MTUS2: variants seen among roughly 807,000 people sequenced by gnomAD.
The protein encoded by MTUS2 is microtubule associated scaffold protein 2.
MTUS2 carries 40 observed loss-of-function variants against 114.1 expected under a neutral mutation model. That is an observed-to-expected ratio of 0.35 (90% CI 0.27 to 0.46). MTUS2 has a LOEUF of 0.46. Ranked by LOEUF, MTUS2 falls within the 20% of genes least tolerant of loss-of-function variation. MTUS2 has a pLI of 1.00. For synonymous variants in MTUS2, 688 were observed against 672.0 expected (o/e 1.02, Z -0.37); for missense variants, 1,679 against 1,705.4 (o/e 0.98, Z 0.27).
At chr13:29,226,229 A>G (rs1896103304) in intron 5 of MTUS2, among the ~76,000 whole-genome samples, 1 of 152,250 alleles carries the variant, frequency 6.6e-6, no homozygotes, top group South Asian at 2.1e-4. Context: ...ACATGTTTAA[A>G]AGATGAAAAT....
At chr13:29,408,061 C>T (rs1874924163) in intron 8 of MTUS2, among the ~76,000 whole-genome samples, 1 of 152,060 alleles carries the variant, frequency 6.6e-6, no homozygotes, top group African/African-American at 2.4e-5. Flanking sequence ...ATAGTTTCTA[C>T]ATATTCTGGA....
At chr13:28,893,818 A>G (rs1433154004) in intron 2 of MTUS2, among the ~76,000 whole-genome samples, 2 of 152,164 alleles carry the variant, frequency 1.3e-5, no homozygotes, top group Admixed American at 1.3e-4. Flanking sequence ...CTTATCCTTG[A>G]GTTGTGAGTC....
At chr13:28,834,303 A>G (rs1393061203) in intron 1 of MTUS2, among the ~76,000 whole-genome samples, 2 of 152,182 alleles carry the variant, frequency 1.3e-5, no homozygotes, top group Non-Finnish European at 2.9e-5. Flanking sequence ...TAATAAAGAC[A>G]GCATGGTGCA....
intron 4 of MTUS2, among the ~76,000 whole-genome samples, chr13:29,057,160 G>C (rs1396977748): frequency 6.6e-6 from 1 of 152,038 alleles, no homozygotes; most frequent in East Asian, 1.9e-4. Flanking sequence ...CGGCCTAAGA[G>C]TGTGTTTGTT....
At chr13:29,225,204 G>T (rs1760773013) in intron 5 of MTUS2, among the ~76,000 whole-genome samples, 1 of 152,236 alleles carries the variant, frequency 6.6e-6, no homozygotes, top group Admixed American at 6.5e-5. Context: ...GCCCTTCCCT[G>T]TCTTTGTGTT....
At chr13:29,465,636 T>G (rs1292797045) in intron 9 of MTUS2, among the ~76,000 whole-genome samples, 1 of 152,128 alleles carries the variant, frequency 6.6e-6, no homozygotes, top group African/African-American at 2.4e-5. Context: ...TTGTTGCTGT[T>G]TTTCCTCCAA....
chr13:28,998,643 A>G (rs1462585288), intron 2 of MTUS2, among the ~76,000 whole-genome samples: 1 of 151,868 alleles, frequency 6.6e-6, no homozygotes, highest in Non-Finnish European at 1.5e-5. Context: ...CATTCATTTG[A>G]CCTTCCATTG....
At chr13:28,969,497 ATTTT>A (rs1403102815) in intron 2 of MTUS2, among the ~76,000 whole-genome samples, 1 of 151,770 alleles carries the variant, frequency 6.6e-6, no homozygotes, top group Non-Finnish European at 1.5e-5. Flanking sequence ...TGCACTATTT[ATTTT>A]ATTTATTTAT....
At chr13:28,958,530 T>C (rs1883176884) in intron 2 of MTUS2, among the ~76,000 whole-genome samples, 2 of 152,356 alleles carry the variant, frequency 1.3e-5, no homozygotes, top group Non-Finnish European at 2.9e-5. Flanking sequence ...TTTACTATTG[T>C]TTAAAAATAT....
At chr13:29,061,789 A>G (rs1215111563) in intron 4 of MTUS2, among the ~76,000 whole-genome samples, 1 of 152,134 alleles carries the variant, frequency 6.6e-6, no homozygotes, top group Non-Finnish European at 1.5e-5. Flanking sequence ...TTAGCTTCAT[A>G]TATTTTGTTT....
intron 8 of MTUS2, among the ~76,000 whole-genome samples, chr13:29,395,787 A>G (rs1012826954): frequency 4.6e-5 from 7 of 152,314 alleles, no homozygotes; most frequent in African/African-American, 1.7e-4. Flanking sequence ...GAATTCATCA[A>G]TATATTCATT....
At chr13:29,094,642 A>G (rs953091725) in intron 4 of MTUS2, among the ~76,000 whole-genome samples, 5 of 151,704 alleles carry the variant, frequency 3.3e-5, no homozygotes, top group African/African-American at 1.2e-4. Flanking sequence ...TTTTGTTTTC[A>G]TTGGCTTTCT....
intron 6 of MTUS2, among the ~76,000 whole-genome samples, chr13:29,289,380 ATG>A (rs966747348): frequency 6.6e-6 from 1 of 152,162 alleles, no homozygotes; most frequent in African/African-American, 2.4e-5. Context: ...CAGTTAAAAA[ATG>A]TGTGGGGATA....
At chr13:29,136,697 C>G (rs571358660) in intron 5 of MTUS2, among the ~76,000 whole-genome samples, 4 of 152,326 alleles carry the variant, frequency 2.6e-5, no homozygotes, top group South Asian at 2.1e-4. Context: ...TACCCCTTCT[C>G]CCTTACCTCA....
chr13:29,348,523 G>A (rs1213088609), intron 7 of MTUS2, among the ~76,000 whole-genome samples: 1 of 152,142 alleles, frequency 6.6e-6, no homozygotes, highest in Admixed American at 6.6e-5. Flanking sequence ...CTTAAAAACA[G>A]TGTCTACTCT....
At chr13:29,491,752 T>C (rs1029652898) in intron 11 of MTUS2, among the ~76,000 whole-genome samples, 2 of 146,852 alleles carry the variant, frequency 1.4e-5, no homozygotes, top group Non-Finnish European at 3.0e-5. Context: ...GGTGTGTGTG[T>C]GCGTGTGGTA....
chr13:29,385,432 A>T (rs1872567138), intron 8 of MTUS2, among the ~76,000 whole-genome samples: 1 of 152,194 alleles, frequency 6.6e-6, no homozygotes, highest in African/African-American at 2.4e-5. Context: ...GGACCACAAG[A>T]AAAGGTCCAT....
intron 2 of MTUS2, among the ~76,000 whole-genome samples, chr13:28,926,839 G>A (rs1881354424): frequency 6.6e-6 from 1 of 152,108 alleles, no homozygotes; most frequent in South Asian, 2.1e-4. Context: ...TCATGCAAGG[G>A]ACTTGTGTCA....
chr13:29,486,659 C>CT (rs2138938324), intron 10 of MTUS2, among the ~76,000 whole-genome samples: 1 of 152,322 alleles, frequency 6.6e-6, no homozygotes, highest in Admixed American at 6.5e-5. Context: ...GTAGTGGCCT[C>CT]TAACTAGCGT....
Sources: allele counts gnomAD v4.1 joint callset (sites outside exome capture counted in the v4.1 genomes callset), GRCh38; gene constraint gnomAD v4.1.1; transcripts MANE v1.5; gene names NCBI Gene and HGNC (gene_info 2026-07-23, HGNC 2026-07-21).